Variants in EML6 observed in about 807,000 individuals in gnomAD.
EML6 encodes echinoderm microtubule-associated protein-like 6.
EML6 carries 154 observed loss-of-function variants against 240.1 expected under a neutral mutation model. The ratio of observed to expected loss-of-function variants is 0.64; its 90% CI spans 0.56 to 0.73. The LOEUF is 0.73. EML6 is among the 30% of genes least tolerant of loss of function. EML6 has a pLI of 0.00. For synonymous variants in EML6, 1,148 were observed against 899.0 expected (o/e 1.28, Z -4.95); for missense variants, 2,964 against 2,474.6 (o/e 1.20, Z -4.20).
intron 2 of EML6, among the ~76,000 whole-genome samples, chr2:54,794,263 C>G (rs900036822): frequency 1.3e-5 from 2 of 152,128 alleles, no homozygotes; most frequent in African/African-American, 4.8e-5. Flanking sequence ...ACTCAGCTGC[C>G]TATTCATCTT....
Position 54,971,864 on chromosome 2 carries a change from T to A in EML6, c.*1769T>A, listed in dbSNP as rs1677033258. 1 of 152,260 alleles carries A rather than the reference T, an allele frequency of 6.6e-6. No homozygotes were observed. The highest frequency in any genetic ancestry group is 1.5e-5 in the Non-Finnish European group (1 of 68,048). The allele number at this position is 152,260 out of a possible 1,614,324, so 9.4% of individuals were successfully genotyped here. A position where few individuals can be genotyped will look rare whatever the true frequency, so the allele number is the denominator to read the frequency against. On this transcript the variant is annotated 3_prime_UTR_variant, in exon 42 of 42. Coordinates refer to ENST00000356458, the MANE Select transcript of EML6 (RefSeq NM_001039753.4). Reference sequence around the variant, plus strand: ...CCGTGTGTCATGAAAAACTTATTTGTAAACGTTTATATGGTATGATTTTGA... The same window carrying A: ...CCGTGTGTCATGAAAAACTTATTTGAAAACGTTTATATGGTATGATTTTGA...
intron 2 of EML6, among the ~76,000 whole-genome samples, chr2:54,781,121 T>G (rs1160525331): frequency 6.6e-6 from 1 of 152,230 alleles, no homozygotes; most frequent in Non-Finnish European, 1.5e-5. Context: ...CATGGAATGA[T>G]CCCAATGACC....
chr2:54,852,616 C>T (rs79750189), intron 10 of EML6, among the ~76,000 whole-genome samples: 3,475 of 152,246 alleles, frequency 0.023, 129 homozygotes, highest in African/African-American at 0.08. Flanking sequence ...AAGGCAAGAA[C>T]ACTAGGTGAA....
chr2:54,768,671 T>G (rs1275183477), intron 2 of EML6, among the ~76,000 whole-genome samples: 1 of 152,218 alleles, frequency 6.6e-6, no homozygotes, highest in Non-Finnish European at 1.5e-5. Context: ...ATCCTCTTTC[T>G]GTGTGATCTT....
chr2:54,843,350 GC>G (rs1042838256), intron 7 of EML6, among the ~76,000 whole-genome samples: 2 of 152,020 alleles, frequency 1.3e-5, no homozygotes, highest in Non-Finnish European at 2.9e-5. Context: ...ATTACTTTGA[GC>G]CCCGGAAGTC....
At chr2:54,873,443 CAG>C (rs1484350906) in intron 16 of EML6, among the ~76,000 whole-genome samples, 2 of 152,186 alleles carry the variant, frequency 1.3e-5, no homozygotes, top group African/African-American at 4.8e-5. Flanking sequence ...ACTCAATAAA[CAG>C]TGAATACAAA....
rs944445571 is a variant in EML6, at chr2:54,902,925, T to C, written c.3125-119T>C. On this transcript the variant is annotated intron_variant, in intron 22 of 41. Coordinates refer to ENST00000356458, the MANE Select transcript of EML6 (RefSeq NM_001039753.4). ...TTAGTTCTCACAAGTGTAGTGTCAATTTAAAGGCAGTCACGTGTCCATACA... is the reference window on the plus strand; with the variant it reads ...TTAGTTCTCACAAGTGTAGTGTCAACTTAAAGGCAGTCACGTGTCCATACA... 9.2e-5 allele frequency: 82 copies of C among 892,950 alleles called. No homozygotes were observed. In the South Asian group the frequency reaches 1.4e-3, roughly 15 times the overall value. The allele number at this position is 892,950 out of a possible 1,614,324, so 55.3% of individuals were successfully genotyped here.
chr2:54,821,605 T>C (rs908969541), intron 5 of EML6, among the ~76,000 whole-genome samples: 2 of 152,064 alleles, frequency 1.3e-5, no homozygotes, highest in African/African-American at 4.8e-5. Flanking sequence ...TAAAGAATCA[T>C]GAAGAGGATA....
intron 7 of EML6, among the ~76,000 whole-genome samples, chr2:54,842,815 G>A (rs938784700): frequency 6.6e-6 from 1 of 152,182 alleles, no homozygotes; most frequent in Non-Finnish European, 1.5e-5. Context: ...TGAGAGGGAC[G>A]TGTGGACTTT....
At chr2:54,913,583 C>A (rs966687914) in intron 25 of EML6, among the ~76,000 whole-genome samples, 2 of 152,134 alleles carry the variant, frequency 1.3e-5, no homozygotes, top group Non-Finnish European at 2.9e-5. Flanking sequence ...CAAATACTTT[C>A]TCCCATTCTG....
chr2:54,962,599 T>C lies in EML6; in HGVS notation c.5045T>C (p.Ile1682Thr). The stretch of plus-strand genomic sequence containing the variant: ...AAAAATGCTGCTTCTAACATCCTGA[T>C]TGATGGTCACATGGAAGGGGAGATC... ...GEKNAASNIL[I>T]DGHMEGEIWG... Residue 1682 changes from isoleucine (I) to threonine (T), a missense_variant, in exon 36 of 42, where the codon ATT (isoleucine) becomes ACT (threonine). Transcript: ENST00000356458. 1 of 1,549,912 alleles carries C rather than the reference T, an allele frequency of 6.5e-7. No individual in the cohort carries two copies. The highest frequency in any genetic ancestry group is 1.2e-5 in the South Asian group (1 of 83,298).
In EML6 at chr2:54,968,230, A is replaced by AGAT; in HGVS notation, c.5703_5705dup (p.Asp1902dup). 6.4e-7 allele frequency: 1 copy of AGAT among 1,551,762 alleles called. No individual in the cohort carries two copies. The highest frequency in any genetic ancestry group is 8.7e-7 in the Non-Finnish European group (1 of 1,147,012). On this transcript the variant is annotated inframe_insertion, in exon 40 of 42. Coordinates refer to ENST00000356458, the MANE Select transcript of EML6 (RefSeq NM_001039753.4). Reference sequence around the variant, plus strand: ...ACGCTGGCCTGAACATTGTCACAGGAGATGACTTTGGGCTGGTGAAGCTCT... The same window carrying AGAT: ...ACGCTGGCCTGAACATTGTCACAGGAGATGATGACTTTGGGCTGGTGAAGCTCT...
At chr2:54,900,753 C>T (rs751128121) in intron 22 of EML6, among the ~76,000 whole-genome samples, 18 of 152,180 alleles carry the variant, frequency 1.2e-4, no homozygotes, top group Admixed American at 2.0e-4. Flanking sequence ...CCCATTGATG[C>T]TCTCCATGCA....
intron 28 of EML6, among the ~76,000 whole-genome samples, chr2:54,931,725 C>T (rs897030608): frequency 2.0e-5 from 3 of 152,114 alleles, no homozygotes. Context: ...GAGACGAGTA[C>T]TTGAGGACTG....
intron 16 of EML6, among the ~76,000 whole-genome samples, chr2:54,875,552 A>G (rs1382702021): frequency 6.6e-6 from 1 of 152,240 alleles, no homozygotes; most frequent in African/African-American, 2.4e-5. Context: ...CAGGCAAACA[A>G]TGTGAAAACT....
intron 28 of EML6, among the ~76,000 whole-genome samples, chr2:54,945,528 C>T (rs1482217921): frequency 2.0e-5 from 3 of 152,100 alleles, no homozygotes; most frequent in African/African-American, 7.2e-5. Context: ...CTGGTTGGAA[C>T]GACTTGGTTT....
chr2:54,851,399 T>C (rs997364591), intron 10 of EML6, among the ~76,000 whole-genome samples: 3 of 151,814 alleles, frequency 2.0e-5, no homozygotes, highest in African/African-American at 2.4e-5. Context: ...GGTGACAGAG[T>C]GAGACTCCAT....
At chr2:54,756,470 T>A (rs1667735721) in intron 2 of EML6, among the ~76,000 whole-genome samples, 1 of 152,214 alleles carries the variant, frequency 6.6e-6, no homozygotes, top group African/African-American at 2.4e-5. Flanking sequence ...GAGCATGCTG[T>A]TTATACAAGT....
chr2:54,805,179 A>G (rs1670403804), intron 2 of EML6, among the ~76,000 whole-genome samples: 1 of 152,330 alleles, frequency 6.6e-6, no homozygotes, highest in African/African-American at 2.4e-5. Context: ...GAACAATTCC[A>G]TTGCATGAAT....
Sources: gnomAD v4.1 joint callset for allele counts (sites outside exome capture counted in the v4.1 genomes callset) on GRCh38, gnomAD v4.1.1 for gene constraint, MANE v1.5 for transcripts, NCBI Gene and HGNC (gene_info 2026-07-23, HGNC 2026-07-21) for gene names.